The following QPCT variants were observed in gnomAD, a reference collection of about 807,000 sequenced individuals.
The protein encoded by QPCT is glutaminyl-peptide cyclotransferase.
A neutral mutation model predicts 43.4 loss-of-function variants in QPCT; 44 were observed. The ratio of observed to expected loss-of-function variants is 1.01; its 90% CI spans 0.80 to 1.30. The LOEUF (loss-of-function observed/expected upper bound fraction) is 1.30, where lower values mean the gene tolerates loss of function less well. Among genes scored for constraint, QPCT ranks in the 50% most tolerant of loss-of-function variants. The probability of loss-of-function intolerance (pLI) is 0.00; values close to 1 mark genes in which losing one functional copy is unlikely to be tolerated. For missense variants in QPCT, 526 were observed against 436.5 expected (o/e 1.21, Z -1.83); for synonymous variants, 168 against 168.4 (o/e 1.00, Z 0.02).
intron 3 of QPCT, among the ~76,000 whole-genome samples, chr2:37,360,963 A>T (rs1375853660): frequency 2.6e-5 from 4 of 152,178 alleles, no homozygotes; most frequent in Non-Finnish European, 4.4e-5. Flanking sequence ...TGTGTAATGG[A>T]TGTATTTTCT....
At chr2:37,360,477 T>C (rs1478007680) in intron 3 of QPCT, among the ~76,000 whole-genome samples, 7 of 152,086 alleles carry the variant, frequency 4.6e-5, no homozygotes, top group Admixed American at 4.6e-4. Flanking sequence ...AAGGGTATAT[T>C]GGAAAAAAGT....
intron 1 of QPCT, among the ~76,000 whole-genome samples, chr2:37,345,191 C>G (rs981655110): frequency 4.6e-5 from 7 of 152,294 alleles, no homozygotes; most frequent in African/African-American, 1.7e-4. Context: ...CGGCGCCACC[C>G]CCCACTCGGG....
chr2:37,362,875 G>C (rs1282997123), intron 3 of QPCT, among the ~76,000 whole-genome samples: 2 of 152,242 alleles, frequency 1.3e-5, no homozygotes, highest in East Asian at 3.8e-4. Context: ...TGGATGTAGA[G>C]ATTCCCACCC....
chr2:37,347,864 C>T (rs991875354), intron 1 of QPCT, among the ~76,000 whole-genome samples: 1 of 151,958 alleles, frequency 6.6e-6, no homozygotes, highest in Non-Finnish European at 1.5e-5. Context: ...ATATTAGTTT[C>T]GATAAACTAA....
Position 37,369,688 on chromosome 2 carries a change from T to A in QPCT, c.727T>A (p.Leu243Ile), listed in dbSNP as rs1339049858. The change falls in exon 5 of 7, where the codon TTA (leucine) becomes ATA (isoleucine). Residue 243 changes from leucine to isoleucine, a missense_variant. By Grantham distance (5) the Leu-to-Ile change is conservative. Coordinates refer to ENST00000338415, the MANE Select transcript of QPCT (RefSeq NM_012413.4). ...AACATTACTTTTTCTCCCTCAGGATTTATTGGTCTTATTGGATTTGATTGG... is the reference window on the plus strand; with the variant it reads ...AACATTACTTTTTCTCCCTCAGGATATATTGGTCTTATTGGATTTGATTGG... Reference protein sequence around the residue: ...RGTSQLHGMDLLVLLDLIGAP... With the variant: ...RGTSQLHGMDILVLLDLIGAP... 6 of 1,585,890 alleles carry A rather than the reference T, an allele frequency of 3.8e-6. No individual in the cohort carries two copies. The African/African-American group carries it at 4.0e-5, about 11-fold the overall frequency.
At chr2:37,354,533 G>T (rs989791278) in intron 2 of QPCT, among the ~76,000 whole-genome samples, 3 of 152,180 alleles carry the variant, frequency 2.0e-5, no homozygotes, top group African/African-American at 7.2e-5. Context: ...GGTTATACTT[G>T]TACCATTGTT....
intron 3 of QPCT, among the ~76,000 whole-genome samples, chr2:37,364,469 G>C (rs1477044381): frequency 6.6e-6 from 1 of 152,194 alleles, no homozygotes. Context: ...GAGAAATAAA[G>C]GTGTGATAGT....
chr2:37,361,849 G>A (rs1476803978), intron 3 of QPCT, among the ~76,000 whole-genome samples: 1 of 152,232 alleles, frequency 6.6e-6, no homozygotes, highest in Non-Finnish European at 1.5e-5. Flanking sequence ...AACCCAGACT[G>A]TGTGAACGCT....
At chr2:37,362,138 C>G (rs575809186) in intron 3 of QPCT, among the ~76,000 whole-genome samples, 1 of 152,224 alleles carries the variant, frequency 6.6e-6, no homozygotes, top group Non-Finnish European at 1.5e-5. Flanking sequence ...TGAAGTTTCA[C>G]TGAGGTACTT....
intron 6 of QPCT, 91 bp from the exon 7 acceptor site, chr2:37,372,591 G>A (rs1326159782): frequency 6.7e-7 from 1 of 1,485,590 alleles, no homozygotes; most frequent in Non-Finnish European, 9.3e-7. Flanking sequence ...GTCTTTATGT[G>A]GTACAGAGCT....
intron 1 of QPCT, among the ~76,000 whole-genome samples, chr2:37,349,847 C>G (rs57427583): frequency 0.028 from 4,193 of 152,140 alleles, 203 homozygotes; most frequent in African/African-American, 0.097. Context: ...GCCCATGTTA[C>G]TTTATTATTA....
intron 3 of QPCT, among the ~76,000 whole-genome samples, chr2:37,363,429 C>G (rs546848509): frequency 7.0e-6 from 1 of 142,990 alleles, no homozygotes; most frequent in East Asian, 2.0e-4. Flanking sequence ...TTGAGACCAG[C>G]CTGGGCAACA....
chr2:37,348,057 C>T (rs934135339), intron 1 of QPCT, among the ~76,000 whole-genome samples: 22 of 105,142 alleles, frequency 2.1e-4, no homozygotes, highest in Non-Finnish European at 3.8e-4. Context: ...TCTCTGCGCG[C>T]GCACGCGTGT....
intron 5 of QPCT, among the ~76,000 whole-genome samples, chr2:37,371,965 C>T (rs1673085441): frequency 6.6e-6 from 1 of 152,122 alleles, no homozygotes; most frequent in Non-Finnish European, 1.5e-5. Flanking sequence ...CCCTTTTAAG[C>T]CCCATATCTC....
At chr2:37,365,203 C>A (rs915792396) in intron 3 of QPCT, among the ~76,000 whole-genome samples, 2 of 151,874 alleles carry the variant, frequency 1.3e-5, no homozygotes, top group African/African-American at 4.8e-5. Flanking sequence ...ATGGAGCAAG[C>A]CCCTGAGGCT....
chr2:37,368,587 AAC>A, intron 4 of QPCT: 4 of 471,154 alleles, frequency 8.5e-6, no homozygotes, highest in South Asian at 6.2e-5. Context: ...CTGTGACCCT[AAC>A]ACACCTCCTG....
chr2:37,347,192 A>ATATC (rs544709076), intron 1 of QPCT, among the ~76,000 whole-genome samples: 1 of 82,242 alleles, frequency 1.2e-5, no homozygotes, highest in South Asian at 3.8e-4. Flanking sequence ...ATATATATAT[A>ATATC]ACATATATAT....
chr2:37,365,101 C>T (rs1228048887), intron 3 of QPCT, among the ~76,000 whole-genome samples: 1 of 150,582 alleles, frequency 6.6e-6, no homozygotes, highest in African/African-American at 2.4e-5. Flanking sequence ...ACACACAAGA[C>T]AACACACACA....
intron 3 of QPCT, among the ~76,000 whole-genome samples, chr2:37,363,108 C>T (rs1236586972): frequency 6.6e-6 from 1 of 152,182 alleles, no homozygotes; most frequent in African/African-American, 2.4e-5. Flanking sequence ...AGAAAGCCAT[C>T]AGATAGGAAA....
Sources: gnomAD v4.1 joint callset for allele counts (sites outside exome capture counted in the v4.1 genomes callset) on GRCh38, gnomAD v4.1.1 for gene constraint, MANE v1.5 for transcripts, NCBI Gene and HGNC (gene_info 2026-07-23, HGNC 2026-07-21) for gene names.